ESRP1: variants seen among roughly 807,000 people sequenced by gnomAD.
ESRP1 encodes RNA-binding motif protein 35A.
A neutral mutation model predicts 81.7 loss-of-function variants in ESRP1; 33 were observed. The observed-to-expected ratio is 0.40, with a 90% CI of 0.31 to 0.54. The LOEUF (loss-of-function observed/expected upper bound fraction) is 0.54, where lower values mean the gene tolerates loss of function less well. ESRP1 is among the 20% of genes least tolerant of loss of function. ESRP1 has a pLI of 0.41. For missense variants in ESRP1, 672 were observed against 833.1 expected (o/e 0.81, Z 2.38); for synonymous variants, 320 against 303.3 (o/e 1.06, Z -0.57).
At chr8:94,675,799 A>T (rs1325650510) in intron 12 of ESRP1, among the ~76,000 whole-genome samples, 2 of 151,940 alleles carry the variant, frequency 1.3e-5, no homozygotes, top group African/African-American at 4.8e-5. Flanking sequence ...ATTTTTACCC[A>T]TTTTTCCTCA....
chr8:94,670,442 TGA>T (rs1295611587), intron 10 of ESRP1, among the ~76,000 whole-genome samples: 1 of 152,224 alleles, frequency 6.6e-6, no homozygotes, highest in Non-Finnish European at 1.5e-5. Context: ...TGGTGTGGTT[TGA>T]TTTTTGTCCC....
intron 3 of ESRP1, among the ~76,000 whole-genome samples, chr8:94,644,451 G>C (rs1183066551): frequency 6.6e-6 from 1 of 152,164 alleles, no homozygotes; most frequent in Non-Finnish European, 1.5e-5. Context: ...AACTCAAGTT[G>C]TTATGTCTTC....
At chr8:94,649,934 C>T (rs1159266648) in intron 4 of ESRP1, among the ~76,000 whole-genome samples, 2 of 152,184 alleles carry the variant, frequency 1.3e-5, no homozygotes, top group Non-Finnish European at 2.9e-5. Flanking sequence ...CCACTGTCTA[C>T]ATGCTGCACC....
chr8:94,649,976 C>G (rs1818039373), intron 4 of ESRP1, among the ~76,000 whole-genome samples: 1 of 152,050 alleles, frequency 6.6e-6, no homozygotes. Flanking sequence ...TCCTATAGAA[C>G]CCTTGTTATT....
At chr8:94,666,913 C>A (rs916608414) in intron 9 of ESRP1, among the ~76,000 whole-genome samples, 5 of 152,096 alleles carry the variant, frequency 3.3e-5, no homozygotes, top group Non-Finnish European at 4.4e-5. Flanking sequence ...TAAGAATTTG[C>A]TATTAGGGGC....
At chr8:94,667,178 A>G (rs1024884625) in intron 9 of ESRP1, among the ~76,000 whole-genome samples, 4 of 151,452 alleles carry the variant, frequency 2.6e-5, no homozygotes, top group African/African-American at 4.9e-5. Flanking sequence ...AGACCGTGCC[A>G]CTGCACTCCA....
rs117324929 is a variant in ESRP1, at chr8:94,705,637, G to A, written c.*36-288G>A. The stretch of plus-strand genomic sequence containing the variant: ...AAGGAGCTGAGCTGAGCAGGGAGTC[G>A]GAAACCATACATGTTAAACTAAACA... On this transcript the variant is annotated intron_variant, in intron 15 of 15. Transcript: ENST00000433389. The A allele has an allele frequency of 4.7e-4, 135 of 286,926 alleles. No homozygotes were observed. In the East Asian group the frequency reaches 6.8e-3, roughly 14 times the overall value. 17.8% of individuals were successfully genotyped at this position (286,926 alleles called of 1,614,324 possible).
chr8:94,703,322 T>G (rs1446620106), intron 15 of ESRP1, among the ~76,000 whole-genome samples: 1 of 151,968 alleles, frequency 6.6e-6, no homozygotes, highest in Non-Finnish European at 1.5e-5. Context: ...TCCCAGCTTA[T>G]TTATTATTTT....
intron 14 of ESRP1, among the ~76,000 whole-genome samples, chr8:94,696,468 G>A (rs778269792): frequency 6.6e-6 from 1 of 152,150 alleles, no homozygotes; most frequent in Non-Finnish European, 1.5e-5. Context: ...TGGAGATACT[G>A]GGTATTGGGC....
At chr8:94,694,280 T>A (rs899235684) in intron 14 of ESRP1, among the ~76,000 whole-genome samples, 26 of 152,196 alleles carry the variant, frequency 1.7e-4, no homozygotes, top group Admixed American at 1.3e-3. Context: ...ACATATAAAT[T>A]AGTAATGAGA....
chr8:94,649,160 C>T (rs748470289), intron 4 of ESRP1, among the ~76,000 whole-genome samples: 5 of 151,988 alleles, frequency 3.3e-5, no homozygotes, highest in African/African-American at 1.2e-4. Flanking sequence ...GGCAGTGAGC[C>T]GAGATCATAC....
At chr8:94,690,152 G>GT (rs1809333179) in intron 13 of ESRP1, among the ~76,000 whole-genome samples, 1 of 149,454 alleles carries the variant, frequency 6.7e-6, no homozygotes, top group Admixed American at 6.7e-5. Flanking sequence ...TTTGTTTTTT[G>GT]TTTTTTAGAG....
intron 13 of ESRP1, among the ~76,000 whole-genome samples, chr8:94,682,855 T>C (rs1313886183): frequency 5.7e-5 from 8 of 140,908 alleles, no homozygotes; most frequent in Middle Eastern, 3.6e-3. Flanking sequence ...TGAATATATA[T>C]ATGTGTGTAT....
chr8:94,661,737 G>A (rs1335986621), intron 4 of ESRP1, among the ~76,000 whole-genome samples: 3 of 152,118 alleles, frequency 2.0e-5, no homozygotes, highest in African/African-American at 7.2e-5. Context: ...GTCATCAAAG[G>A]TGGACTATCC....
intron 13 of ESRP1, among the ~76,000 whole-genome samples, chr8:94,690,980 A>G (rs559150808): frequency 1.1e-4 from 16 of 152,318 alleles, no homozygotes; most frequent in African/African-American, 2.6e-4. Flanking sequence ...GTTTGGCAAG[A>G]GGTAACTTAT....
At chr8:94,700,024 G>A (rs73265267) in intron 15 of ESRP1, among the ~76,000 whole-genome samples, 2,428 of 152,270 alleles carry the variant, frequency 0.016, 66 homozygotes, top group African/African-American at 0.056. Flanking sequence ...CTGCAAAGAG[G>A]CATCATGGGC....
chr8:94,703,051 CTTTG>C (rs957021035), intron 15 of ESRP1, among the ~76,000 whole-genome samples: 4 of 149,174 alleles, frequency 2.7e-5, no homozygotes, highest in African/African-American at 9.9e-5. Flanking sequence ...TAATTCTCAA[CTTTG>C]TTTGCTATAG....
chr8:94,648,908 A>C (rs1290941817), intron 4 of ESRP1, among the ~76,000 whole-genome samples: 1 of 152,236 alleles, frequency 6.6e-6, no homozygotes, highest in Non-Finnish European at 1.5e-5. Context: ...CATCCAAGTA[A>C]ATTTAAAATT....
At chr8:94,698,463 G>A (rs60445949) in intron 15 of ESRP1, among the ~76,000 whole-genome samples, 3,096 of 152,278 alleles carry the variant, frequency 0.02, 98 homozygotes, top group African/African-American at 0.069. Context: ...TTTTTGTTGC[G>A]TGTCTTTTTC....
Sources: gnomAD v4.1 joint callset for allele counts (sites outside exome capture counted in the v4.1 genomes callset) on GRCh38, gnomAD v4.1.1 for gene constraint, MANE v1.5 for transcripts, NCBI Gene and HGNC (gene_info 2026-07-23, HGNC 2026-07-21) for gene names.